Variants in FRS2 observed in about 807,000 individuals in gnomAD.
FRS2 encodes fibroblast growth factor receptor substrate 2.
In FRS2, 8 loss-of-function variants were observed where a neutral mutation model predicts 43.9. The ratio of observed to expected loss-of-function variants is 0.18; its 90% CI spans 0.11 to 0.33. The LOEUF (loss-of-function observed/expected upper bound fraction) is 0.33. FRS2 is among the 10% of genes least tolerant of loss of function. The pLI is 1.00. For synonymous variants in FRS2, 219 were observed against 220.3 expected (o/e 0.99, Z 0.05); for missense variants, 534 against 627.6 (o/e 0.85, Z 1.59).
chr12:69,519,042 A>G (rs779454455), intron 1 of FRS2, among the ~76,000 whole-genome samples: 17 of 151,056 alleles, frequency 1.1e-4, no homozygotes, highest in African/African-American at 3.6e-4. Flanking sequence ...ATTGACTTCT[A>G]TTTTTGAAGT....
chr12:69,480,562 C>T lies in FRS2; in HGVS notation c.-261+10032C>T, dbSNP rs537301869. 4.6e-5 allele frequency among the ~76,000 whole-genome samples: 7 copies of T among 152,326 alleles called. No homozygotes were observed. In the South Asian group the frequency reaches 8.3e-4, roughly 18 times the overall value. On this transcript the variant is annotated intron_variant, in intron 1 of 8. Transcript: ENST00000549921. Reference sequence around the variant, plus strand: ...CACACTACAACCTCAAATTTCTGAACTCAAGCCATCTTCCTGTCTCAGCTT... The same window carrying T: ...CACACTACAACCTCAAATTTCTGAATTCAAGCCATCTTCCTGTCTCAGCTT...
chr12:69,535,155 C>T (rs1253252075), intron 3 of FRS2, among the ~76,000 whole-genome samples: 1 of 151,960 alleles, frequency 6.6e-6, no homozygotes, highest in Non-Finnish European at 1.5e-5. Context: ...AGGTTCTGGG[C>T]GTATCTGACA....
chr12:69,557,619 T>TGTGCGCAC lies in FRS2; in HGVS notation c.-121-4560_-121-4559insTGCGCACG, dbSNP rs1555192498. Among the ~76,000 whole-genome samples the TGTGCGCAC allele has an allele frequency of 1.1e-3, 134 of 119,022 alleles. 1 individual carries two copies. Among genetic ancestry groups the TGTGCGCAC allele is most frequent in the South Asian group, 9.4e-3 (37 of 3,936 alleles). The allele number at this position is 119,022 out of a possible 152,430, so 78.1% of individuals were successfully genotyped here. A position where few individuals can be genotyped will look rare whatever the true frequency, so the allele number is the denominator to read the frequency against. On this transcript the variant is annotated intron_variant, in intron 3 of 8. Coordinates refer to ENST00000549921, the MANE Select transcript of FRS2 (RefSeq NM_001278356.2). The stretch of plus-strand genomic sequence containing the variant: ...TTGTGTGTGTGTGTGTGTGTGTGTG[T>TGTGCGCAC]GCGCGCGCGCGCGCGCGCAGGTGCA...
intron 1 of FRS2, among the ~76,000 whole-genome samples, chr12:69,495,645 T>G (rs1255977648): frequency 6.6e-6 from 1 of 152,140 alleles, no homozygotes. Context: ...CTTAACAGTT[T>G]GGGAGGCTGA....
intron 1 of FRS2, among the ~76,000 whole-genome samples, chr12:69,495,182 C>T (rs1228315169): frequency 2.6e-5 from 4 of 152,240 alleles, no homozygotes; most frequent in Admixed American, 2.0e-4. Flanking sequence ...AGCTTTTAGG[C>T]GTTTATTGTT....
At chr12:69,515,385 T>G (rs1262147645) in intron 1 of FRS2, among the ~76,000 whole-genome samples, 2 of 152,248 alleles carry the variant, frequency 1.3e-5, no homozygotes, top group Non-Finnish European at 2.9e-5. Flanking sequence ...ATTCTTTTTC[T>G]CACTTTGTGA....
At chr12:69,497,751 C>G (rs145429663) in intron 1 of FRS2, among the ~76,000 whole-genome samples, 15 of 152,312 alleles carry the variant, frequency 9.8e-5, no homozygotes, top group Middle Eastern at 3.4e-3. Flanking sequence ...TGTAAAAGCT[C>G]TAGCTGAGCT....
Position 69,574,357 on chromosome 12 carries a change from A to G in FRS2, c.929A>G (p.Asn310Ser). The G allele has an allele frequency of 6.2e-7, 1 of 1,613,890 alleles. No homozygotes were observed. The highest frequency in any genetic ancestry group is 8.5e-7 in the Non-Finnish European group (1 of 1,179,726). The part of the protein sequence containing the change: ...SVNKLVYENI[N>S]GLSIPSASGV... ...AACAAACTGGTGTATGAAAATATAA[A>G]TGGGCTATCTATCCCTAGTGCCTCA... The change falls in exon 9 of 9, where the codon AAT (asparagine) becomes AGT (serine). Residue 310 changes from asparagine (N) to serine (S), a missense_variant. Around this residue, in one of 3 missense-constraint regions of FRS2, gnomAD observed 446 missense variants for 494.2 expected, o/e 0.90. Coordinates refer to ENST00000549921, the MANE Select transcript of FRS2 (RefSeq NM_001278356.2).
chr12:69,483,210 G>T (rs1471384303), intron 1 of FRS2, among the ~76,000 whole-genome samples: 4 of 152,094 alleles, frequency 2.6e-5, no homozygotes, highest in African/African-American at 9.7e-5. Flanking sequence ...TTTCAACCTG[G>T]ACTTCCTTGT....
At chr12:69,565,769 CCTT>C (rs1422791949) in intron 4 of FRS2, among the ~76,000 whole-genome samples, 16 of 152,032 alleles carry the variant, frequency 1.1e-4, no homozygotes, top group African/African-American at 3.9e-4. Context: ...GAAAACTGCA[CCTT>C]CTTCTGGAAT....
At chr12:69,559,409 G>A (rs1252292153) in intron 3 of FRS2, among the ~76,000 whole-genome samples, 3 of 151,954 alleles carry the variant, frequency 2.0e-5, no homozygotes, top group African/African-American at 7.3e-5. Flanking sequence ...GGGGTGAGTG[G>A]AGGGTTATGA....
chr12:69,507,943 C>G (rs1489751308), intron 1 of FRS2, among the ~76,000 whole-genome samples: 6 of 141,176 alleles, frequency 4.3e-5, no homozygotes, highest in African/African-American at 1.6e-4. Context: ...AGAATTGCTT[C>G]AACCCAGGAG....
chr12:69,511,975 T>C (rs1283491258), intron 1 of FRS2, among the ~76,000 whole-genome samples: 11 of 152,248 alleles, frequency 7.2e-5, no homozygotes, highest in African/African-American at 2.4e-5. Flanking sequence ...GACAGTGTTA[T>C]ATTTAATCTG....
intron 1 of FRS2, among the ~76,000 whole-genome samples, chr12:69,470,850 T>C (rs1335731085): frequency 6.6e-6 from 1 of 152,102 alleles, no homozygotes; most frequent in Admixed American, 6.5e-5. Flanking sequence ...ACCTCGCCGC[T>C]CCCTAGTTTG....
chr12:69,486,316 C>T (rs1368457506), intron 1 of FRS2: 1 of 151,972 alleles, frequency 6.6e-6, no homozygotes, highest in Non-Finnish European at 1.5e-5. Context: ...CACAGTATTT[C>T]AAACTTTTTA....
chr12:69,545,783 A>C (rs1223772532), intron 3 of FRS2, among the ~76,000 whole-genome samples: 2 of 150,754 alleles, frequency 1.3e-5, no homozygotes, highest in Non-Finnish European at 1.5e-5. Context: ...AAAAAACAAA[A>C]ACAAAAACCC....
chr12:69,564,243 C>A (rs1015497252), intron 4 of FRS2, among the ~76,000 whole-genome samples: 3 of 142,870 alleles, frequency 2.1e-5, no homozygotes, highest in Non-Finnish European at 3.1e-5. Flanking sequence ...CTATTCTGAT[C>A]TTTTTTTTTT....
chr12:69,533,634 C>T (rs1230411750), intron 3 of FRS2, among the ~76,000 whole-genome samples: 2 of 152,146 alleles, frequency 1.3e-5, no homozygotes, highest in African/African-American at 4.8e-5. Context: ...CAGGTGTGAG[C>T]CACCACGCCT....
rs888620231 is a variant in FRS2 at position 69,575,645 on chromosome 12, A to G, written c.*690A>G. On this transcript the variant is annotated 3_prime_UTR_variant, in exon 9 of 9. Coordinates refer to ENST00000549921, the MANE Select transcript of FRS2 (RefSeq NM_001278356.2). ...TTTGAAGGGCATGTCCAGATATCTT[A>G]AAATTATAATAGGCTCAAGAATCAG... 9 of 152,658 alleles carry G rather than the reference A, an allele frequency of 5.9e-5. No individual in the cohort carries two copies. The highest frequency in any genetic ancestry group is 1.2e-4 in the Non-Finnish European group (8 of 68,042). The allele number at this position is 152,658 out of a possible 1,614,324, so 9.5% of individuals were successfully genotyped here.
Sources: allele counts gnomAD v4.1 joint callset (sites outside exome capture counted in the v4.1 genomes callset), GRCh38; gene constraint gnomAD v4.1.1; regional missense constraint gnomAD v4.1.1; transcripts MANE v1.5; gene names NCBI Gene and HGNC (gene_info 2026-07-23, HGNC 2026-07-21).